Variants in PTPRN2 observed in about 807,000 individuals in gnomAD.
The protein encoded by PTPRN2 is receptor-type tyrosine-protein phosphatase N2.
A neutral mutation model predicts 118.8 loss-of-function variants in PTPRN2; 74 were observed. That is an observed-to-expected ratio of 0.62 (90% CI 0.52 to 0.76). The LOEUF (loss-of-function observed/expected upper bound fraction) is 0.76. Ranked by LOEUF, PTPRN2 falls within the 30% of genes least tolerant of loss-of-function variation. The pLI, the probability that PTPRN2 is intolerant of heterozygous loss-of-function variation, is 0.00. For synonymous variants in PTPRN2, 641 were observed against 608.0 expected (o/e 1.05, Z -0.80); for missense variants, 1,481 against 1,394.4 (o/e 1.06, Z -0.99).
At chr7:157,838,970 G>A (rs1808175628) in intron 12 of PTPRN2, among the ~76,000 whole-genome samples, 1 of 141,556 alleles carries the variant, frequency 7.1e-6, no homozygotes, top group Admixed American at 6.9e-5. Flanking sequence ...CTCTCGTAGT[G>A]GATGGCATGG....
chr7:158,509,588 G>A lies in PTPRN2; in HGVS notation c.113-19803C>T, dbSNP rs1004409720. Among the ~76,000 whole-genome samples, 5 of 152,212 alleles carry A rather than the reference G, an allele frequency of 3.3e-5. No individual in the cohort carries two copies. The highest frequency in any genetic ancestry group is 9.6e-5 in the African/African-American group (4 of 41,456). On this transcript the variant is annotated intron_variant, in intron 1 of 22. Coordinates refer to ENST00000389418, the MANE Select transcript of PTPRN2 (RefSeq NM_002847.5). The surrounding 1 kb of genome is among the most constrained non-coding windows in gnomAD (Gnocchi z 4.4). ...GCCAAAATCAGAATAGCACAGATGC[G>A]TAGTCACCCCAAAGCCCATCTGCTT... is the stretch of plus-strand genomic sequence containing the variant.
intron 4 of PTPRN2, among the ~76,000 whole-genome samples, chr7:158,198,503 G>A (rs927153186): frequency 1.3e-5 from 2 of 152,194 alleles, no homozygotes; most frequent in Non-Finnish European, 2.9e-5. Flanking sequence ...CACATTACAG[G>A]CCCATCTTAT....
intron 2 of PTPRN2, among the ~76,000 whole-genome samples, chr7:158,375,127 C>T (rs1353396609): frequency 6.6e-6 from 1 of 151,650 alleles, no homozygotes; most frequent in Admixed American, 6.6e-5. Context: ...GCAGTGAGAC[C>T]CTAAATATGA....
chr7:158,183,074 C>T lies in PTPRN2; in HGVS notation c.549+9253G>A, dbSNP rs560956201. Among the ~76,000 whole-genome samples, 4 of 152,200 alleles carry T rather than the reference C, an allele frequency of 2.6e-5. No homozygotes were observed. The East Asian group carries it at 7.7e-4, about 29-fold the overall frequency. On this transcript the variant is annotated intron_variant, in intron 5 of 22. Transcript: ENST00000389418. Reference sequence around the variant, plus strand: ...TCTTTGTCTCTTTTTACTGTTGTTGCTTTAAAGTCTGTTTTATCTGATATT... The same window carrying T: ...TCTTTGTCTCTTTTTACTGTTGTTGTTTTAAAGTCTGTTTTATCTGATATT...
At chr7:158,062,310 G>A (rs544952805) in intron 11 of PTPRN2, among the ~76,000 whole-genome samples, 2 of 152,398 alleles carry the variant, frequency 1.3e-5, no homozygotes, top group Non-Finnish European at 2.9e-5. Context: ...AGGGCTGCAG[G>A]TGCTGGCTGT....
At chr7:158,007,150 G>C in intron 11 of PTPRN2, among the ~76,000 whole-genome samples, 1 of 152,258 alleles carries the variant, frequency 6.6e-6, no homozygotes, top group Non-Finnish European at 1.5e-5. Context: ...CCCACCCCAC[G>C]ACCTCACATA....
At chr7:157,812,926 C>T (rs534625371) in intron 12 of PTPRN2, among the ~76,000 whole-genome samples, 2 of 152,112 alleles carry the variant, frequency 1.3e-5, no homozygotes, top group Non-Finnish European at 2.9e-5. Context: ...CAGAAGCCTT[C>T]GTCTTGGTTT....
At chr7:158,204,535 T>C (rs887688535) in intron 4 of PTPRN2, among the ~76,000 whole-genome samples, 2 of 150,618 alleles carry the variant, frequency 1.3e-5, no homozygotes, top group East Asian at 3.9e-4. Flanking sequence ...CATTTTCATG[T>C]TTTTTTTTAA....
chr7:158,355,513 G>A (rs1175927687), intron 2 of PTPRN2, among the ~76,000 whole-genome samples: 1 of 152,244 alleles, frequency 6.6e-6, no homozygotes, highest in East Asian at 1.9e-4. Context: ...CTGAGGAAAT[G>A]CAACTGCAGT....
At chr7:157,657,063 CCA>C (rs1295652124) in intron 13 of PTPRN2, among the ~76,000 whole-genome samples, 1 of 133,814 alleles carries the variant, frequency 7.5e-6, no homozygotes, top group Non-Finnish European at 1.6e-5. Context: ...ACCACACACA[CCA>C]CACACGTCAC....
intron 3 of PTPRN2, among the ~76,000 whole-genome samples, chr7:158,241,007 C>T (rs1346296935): frequency 3.9e-5 from 6 of 152,152 alleles, no homozygotes; most frequent in Non-Finnish European, 5.9e-5. Flanking sequence ...AAGGCAGCCC[C>T]GTGGGCAGGT....
At chr7:158,119,048 C>G (rs187809082) in intron 9 of PTPRN2, among the ~76,000 whole-genome samples, 5 of 152,096 alleles carry the variant, frequency 3.3e-5, no homozygotes, top group African/African-American at 9.7e-5. Flanking sequence ...TGTATTATTG[C>G]TACATTTTTA....
chr7:158,066,950 C>G (rs1208047661), intron 11 of PTPRN2, among the ~76,000 whole-genome samples: 1 of 152,192 alleles, frequency 6.6e-6, no homozygotes, highest in East Asian at 1.9e-4. Flanking sequence ...CATCTTCCTT[C>G]AATATCAGCA....
intron 2 of PTPRN2, among the ~76,000 whole-genome samples, chr7:158,346,383 G>A (rs1251283097): frequency 3.9e-5 from 6 of 152,122 alleles, no homozygotes; most frequent in South Asian, 2.1e-4. Flanking sequence ...AAGATCATGC[G>A]GTATTTGTCT....
intron 12 of PTPRN2, among the ~76,000 whole-genome samples, chr7:157,889,947 G>A (rs1796702978): frequency 6.6e-6 from 1 of 152,164 alleles, no homozygotes; most frequent in African/African-American, 2.4e-5. Context: ...ACATCTCTGT[G>A]CACACACATG....
Position 158,138,457 on chromosome 7 carries a change from G to A in PTPRN2, c.969C>T (p.Gly323=). The change falls in exon 7 of 23, where the codon GGC becomes GGT. Residue 323 remains glycine (G), a synonymous_variant. Transcript: ENST00000389418. The stretch of plus-strand genomic sequence containing the variant: ...TGCCGTCCAGCTCCAGGCCACTCAG[G>A]CCCCTCACCTCAGCCGGCTGCCTCT... ...DLQRQPAEVR[G]LSGLELDGMA... 6.2e-6 allele frequency: 10 copies of A among 1,613,082 alleles called. No individual in the cohort carries two copies. The highest frequency in any genetic ancestry group is 8.5e-6 in the Non-Finnish European group (10 of 1,179,934).
intron 12 of PTPRN2, among the ~76,000 whole-genome samples, chr7:157,798,029 C>G (rs944519882): frequency 1.3e-5 from 2 of 152,108 alleles, no homozygotes; most frequent in Non-Finnish European, 2.9e-5. Context: ...GAGGCTGAGG[C>G]GGGTGGATCA....
In PTPRN2 at chr7:158,262,427, TACAC is replaced by T. The variant is rs1052358291; in HGVS notation, c.277+54388_277+54391del. Reference sequence around the variant, plus strand: ...ACACACATACATACATTCACACACATACACACATTCACACACACTGCACACGCAG... The same window carrying T: ...ACACACATACATACATTCACACACATACATTCACACACACTGCACACGCAG... On this transcript the variant is annotated intron_variant, in intron 3 of 22. Transcript: ENST00000389418. Among the ~76,000 whole-genome samples, 44 of 109,494 alleles carry T rather than the reference TACAC, an allele frequency of 4.0e-4. 1 individual carries two copies. The highest frequency in any genetic ancestry group is 3.0e-3 in the Admixed American group (29 of 9,796). 71.8% of individuals were successfully genotyped at this position (109,494 alleles called of 152,430 possible). A position where few individuals can be genotyped will look rare whatever the true frequency, so the allele number is the denominator to read the frequency against.
intron 12 of PTPRN2, among the ~76,000 whole-genome samples, chr7:157,807,066 C>T (rs550673631): frequency 6.6e-6 from 1 of 152,336 alleles, no homozygotes; most frequent in South Asian, 2.1e-4. Context: ...TAGGTTTGGC[C>T]AGGCTGGTGT....
Sources: gnomAD v4.1 joint callset for allele counts (sites outside exome capture counted in the v4.1 genomes callset) on GRCh38, gnomAD v4.1.1 for gene constraint, Gnocchi (gnomAD v3.1) non-coding constraint, MANE v1.5 for transcripts, NCBI Gene and HGNC (gene_info 2026-07-23, HGNC 2026-07-21) for gene names.